KANK2: variants seen among roughly 807,000 people sequenced by gnomAD.
KANK2 encodes the protein KN motif and ankyrin repeat domains 2, also known as KN motif and ankyrin repeat domain-containing protein 2.
In KANK2, 41 loss-of-function variants were observed where a neutral mutation model predicts 74.6. The ratio of observed to expected loss-of-function variants is 0.55; its 90% CI spans 0.43 to 0.71. The LOEUF (loss-of-function observed/expected upper bound fraction) is 0.71, where lower values mean the gene tolerates loss of function less well. Ranked by LOEUF, KANK2 falls within the 30% of genes least tolerant of loss-of-function variation. KANK2 has a pLI of 0.00. For missense variants in KANK2, 1,148 were observed against 1,196.4 expected (o/e 0.96, Z 0.60); for synonymous variants, 537 against 519.0 (o/e 1.03, Z -0.47).
intron 4 of KANK2, among the ~76,000 whole-genome samples, chr19:11,187,667 ACGTT>A (rs1490581182): frequency 3.2e-4 from 49 of 152,340 alleles, no homozygotes; most frequent in African/African-American, 1.1e-3. Context: ...GAACGCAGCC[ACGTT>A]CGTTCATTTC....
At position 11,193,079 on chromosome 19, in the gene KANK2, T is replaced by C. The variant is rs1458759770; in HGVS notation, c.1001A>G (p.Glu334Gly). 3.7e-6 allele frequency: 6 copies of C among 1,610,074 alleles called. No individual in the cohort carries two copies. Among genetic ancestry groups the C allele is most frequent in the Non-Finnish European group, 5.1e-6 (6 of 1,178,378 alleles). ...PVRVDTVRVV[E>G]GPREVEVVAS... The stretch of plus-strand genomic sequence containing the variant: ...CACCACCTCCACCTCCCGTGGCCCT[T>C]CTACCACCCGGACTGTATCCACGCG... The change falls in exon 4 of 13, where the codon GAA (glutamate) becomes GGA (glycine). Residue 334 changes from glutamate (E) to glycine (G), a missense_variant. By Grantham distance (98) the Glu-to-Gly change is moderately conservative. Coordinates refer to ENST00000586659, the MANE Select transcript of KANK2 (RefSeq NM_001136191.3). The surrounding 1 kb of genome is among the most constrained non-coding windows in gnomAD (Gnocchi z 9.6).
chr19:11,180,528 C>T (rs1463388294), intron 4 of KANK2, among the ~76,000 whole-genome samples: 1 of 152,108 alleles, frequency 6.6e-6, no homozygotes, highest in Admixed American at 6.6e-5. Flanking sequence ...GCATGAGACA[C>T]TCGGTCATCG....
Position 11,164,324 on chromosome 19 carries a change from C to G in KANK2, c.*2234G>C, listed in dbSNP as rs1433533206. The G allele has an allele frequency of 6.6e-6, 1 of 151,930 alleles. No homozygotes were observed. The highest frequency in any genetic ancestry group is 1.5e-5 in the Non-Finnish European group (1 of 67,988). 9.4% of individuals were successfully genotyped at this position (151,930 alleles called of 1,614,324 possible). ...GTTTACCTTCTAAAAAAAACGATTACAAAAAAGAATACTTCATTTAAGTGT... is the reference window on the plus strand; with the variant it reads ...GTTTACCTTCTAAAAAAAACGATTAGAAAAAAGAATACTTCATTTAAGTGT... On this transcript the variant is annotated 3_prime_UTR_variant, in exon 13 of 13. Coordinates refer to ENST00000586659, the MANE Select transcript of KANK2 (RefSeq NM_001136191.3).
At chr19:11,174,955 CT>C (rs1316180155) in intron 8 of KANK2, among the ~76,000 whole-genome samples, 2 of 145,926 alleles carry the variant, frequency 1.4e-5, no homozygotes, top group South Asian at 2.1e-4. Flanking sequence ...TTCTCTCTCT[CT>C]CTTTTTTTTT....
At position 11,193,149 on chromosome 19, in the gene KANK2, C is replaced by T. The variant is rs1023919030; in HGVS notation, c.931G>A (p.Ala311Thr). The T allele has an allele frequency of 1.2e-6, 2 of 1,607,938 alleles. No individual in the cohort carries two copies. Among genetic ancestry groups the T allele is most frequent in the Non-Finnish European group, 1.7e-6 (2 of 1,177,436 alleles). The change falls in exon 4 of 13, where the codon GCT becomes ACT. Residue 311 changes from alanine (A) to threonine (T), a missense_variant. By Grantham distance (58) the Ala-to-Thr change is moderately conservative. Transcript: ENST00000586659. This position sits in a 1 kb window ranked among gnomAD's most constrained non-coding sequence, Gnocchi z 9.6. ...QELQAAQARQ[A>T]DPQPQAWPPP... ...GGCCAGGCCTGGGGCTGGGGGTCAG[C>T]CTGCCGGGCCTGAGCTGCCTGCAGC...
chr19:11,185,550 A>G (rs2078651523), intron 4 of KANK2, among the ~76,000 whole-genome samples: 1 of 150,026 alleles, frequency 6.7e-6, no homozygotes, highest in East Asian at 1.9e-4. Flanking sequence ...TGTGGGTTGT[A>G]GAAAAACAGG....
At position 11,164,276 on chromosome 19, in the gene KANK2, T is replaced by C. The variant is rs1263427061; in HGVS notation, c.*2282A>G. ...AAGAAAAGACACAGAATCATCAACATTATTGGTAGCTTTATTAAATTTGTT... is the reference window on the plus strand; with the variant it reads ...AAGAAAAGACACAGAATCATCAACACTATTGGTAGCTTTATTAAATTTGTT... On this transcript the variant is annotated 3_prime_UTR_variant, in exon 13 of 13. Transcript: ENST00000586659. The C allele has an allele frequency of 3.3e-5, 5 of 151,984 alleles. No homozygotes were observed. The highest frequency in any genetic ancestry group is 4.4e-5 in the Non-Finnish European group (3 of 68,000). The allele number at this position is 151,984 out of a possible 1,614,324, so 9.4% of individuals were successfully genotyped here.
chr19:11,172,607 C>T (rs1257176910), intron 10 of KANK2, among the ~76,000 whole-genome samples: 1 of 152,186 alleles, frequency 6.6e-6, no homozygotes, highest in Admixed American at 6.5e-5. Context: ...CGGTTTCCTG[C>T]AGCCCTGAGT....
intron 12 of KANK2, among the ~76,000 whole-genome samples, chr19:11,168,659 C>T (rs564190912): frequency 4.1e-4 from 62 of 152,256 alleles, no homozygotes; most frequent in South Asian, 3.5e-3. Flanking sequence ...CCACTGGGGA[C>T]TACCTAGAAC....
chr19:11,181,963 G>A (rs1337549950), intron 4 of KANK2, among the ~76,000 whole-genome samples: 3 of 144,284 alleles, frequency 2.1e-5, no homozygotes, highest in Non-Finnish European at 4.5e-5. Context: ...TGTCATCCAG[G>A]TTGGAGTGCA....
Position 11,170,061 on chromosome 19 carries a change from G to A in KANK2, c.2399C>T (p.Ser800Leu). The A allele has an allele frequency of 6.2e-7, 1 of 1,613,650 alleles. No homozygotes were observed. The highest frequency in any genetic ancestry group is 8.5e-7 in the Non-Finnish European group (1 of 1,179,676). Residue 800 changes from serine to leucine, a missense_variant, in exon 11 of 13, where the codon TCA becomes TTA. Ser to Leu is a moderately radical substitution (Grantham distance 145). Coordinates refer to ENST00000586659, the MANE Select transcript of KANK2 (RefSeq NM_001136191.3). The surrounding 1 kb of genome is among the most constrained non-coding windows in gnomAD (Gnocchi z 5.2). ...TTGGAGACTCACGCGATCTGTGAGT[G>A]AGATGTCACAGCTGGGCACGGCCAG... The part of the protein sequence containing the change: ...LLLAVPSCDI[S>L]LTDRDGSTAL...
intron 4 of KANK2, among the ~76,000 whole-genome samples, chr19:11,184,666 G>T (rs1011494902): frequency 6.8e-6 from 1 of 146,940 alleles, no homozygotes; most frequent in African/African-American, 2.5e-5. Flanking sequence ...ATCTTGTCAT[G>T]TCAAGAAATA....
chr19:11,178,335 C>T lies in KANK2; in HGVS notation c.1520+10G>A. On this transcript the variant is annotated intron_variant, in intron 6 of 12. Coordinates refer to ENST00000586659, the MANE Select transcript of KANK2 (RefSeq NM_001136191.3). ...AGTATGGGGTGGGGGGTGGGGTCTT[C>T]TCCTCTCACCCGCCGTTGACCCCCA... 1 of 1,494,254 alleles carries T rather than the reference C, an allele frequency of 6.7e-7. No homozygotes were observed. Among genetic ancestry groups the T allele is most frequent in the Non-Finnish European group, 8.9e-7 (1 of 1,127,220 alleles). The allele number at this position is 1,494,254 out of a possible 1,614,324, so 92.6% of individuals were successfully genotyped here. A position where few individuals can be genotyped will look rare whatever the true frequency, so the allele number is the denominator to read the frequency against.
intron 9 of KANK2, among the ~76,000 whole-genome samples, chr19:11,173,556 G>A (rs1337468921): frequency 6.6e-6 from 1 of 152,202 alleles, no homozygotes; most frequent in Non-Finnish European, 1.5e-5. Flanking sequence ...CCAGACTTGA[G>A]GACGCATCCC....
chr19:11,175,336 G>C (rs1461240767), intron 8 of KANK2, among the ~76,000 whole-genome samples: 2 of 141,372 alleles, frequency 1.4e-5, no homozygotes, highest in Non-Finnish European at 3.0e-5. Context: ...GTTGAGGCAG[G>C]AGAATTGCTT....
At chr19:11,182,840 C>CAAAA (rs36229477) in intron 4 of KANK2, among the ~76,000 whole-genome samples, 12 of 62,954 alleles carry the variant, frequency 1.9e-4, no homozygotes, top group Non-Finnish European at 2.9e-4. Flanking sequence ...CAGACTGCCT[C>CAAAA]AAAAAAAAAA....
At chr19:11,173,159 C>T (rs370976104) in intron 9 of KANK2, 36 bp from the exon 10 acceptor site, 80 of 1,593,796 alleles carry the variant, frequency 5.0e-5, no homozygotes, top group Non-Finnish European at 6.2e-5. Flanking sequence ...GACCAGGGAT[C>T]GCTGCTAGTG....
chr19:11,164,582 A>G lies in KANK2; in HGVS notation c.*1976T>C, dbSNP rs7187. 0.27 allele frequency: 40,598 copies of G among 151,900 alleles called. 6,475 individuals are homozygous for G. The highest frequency in any genetic ancestry group is 0.39 in the Admixed American group (5,990 of 15,230). 9.4% of individuals were successfully genotyped at this position (151,900 alleles called of 1,614,324 possible). ...CCAGGGCTGGACACACAGGCACAGA[A>G]CTCTTGTACCGCTTCTCAAAGCTGC... On this transcript the variant is annotated 3_prime_UTR_variant, in exon 13 of 13. Coordinates refer to ENST00000586659, the MANE Select transcript of KANK2 (RefSeq NM_001136191.3).
At chr19:11,191,021 G>C (rs1446636904) in intron 4 of KANK2, among the ~76,000 whole-genome samples, 1 of 149,670 alleles carries the variant, frequency 6.7e-6, no homozygotes, top group Non-Finnish European at 1.5e-5. Context: ...GTGAGCCACC[G>C]TGCCCAGCCA....
Sources: allele counts gnomAD v4.1 joint callset (sites outside exome capture counted in the v4.1 genomes callset), GRCh38; gene constraint gnomAD v4.1.1; non-coding constraint Gnocchi (gnomAD v3.1); transcripts MANE v1.5; gene names NCBI Gene and HGNC (gene_info 2026-07-23, HGNC 2026-07-21).